The following NREP variants were observed in gnomAD, a reference collection of about 807,000 sequenced individuals.
The protein encoded by NREP is neuronal regeneration related protein.
In NREP, 5 loss-of-function variants were observed where a neutral mutation model predicts 8.6. The observed-to-expected ratio is 0.58, with a 90% CI of 0.30 to 1.22. The LOEUF (loss-of-function observed/expected upper bound fraction) is 1.22, where lower values mean the gene tolerates loss of function less well. Ranked by LOEUF, NREP falls within the 50% of genes most tolerant of loss-of-function variation. The pLI is 0.07. For synonymous variants in NREP, 27 were observed against 28.0 expected (o/e 0.96, Z 0.11); for missense variants, 86 against 82.5 (o/e 1.04, Z -0.17).
chr5:111,946,101 C>CACAT (rs920977830), intron 2 of NREP, among the ~76,000 whole-genome samples: 2 of 57,592 alleles, frequency 3.5e-5, no homozygotes, highest in Admixed American at 4.8e-4. Flanking sequence ...CACACACACA[C>CACAT]ATAAGAAAAT....
At chr5:111,833,052 A>G (rs1752811651) in intron 2 of NREP, among the ~76,000 whole-genome samples, 1 of 152,210 alleles carries the variant, frequency 6.6e-6, no homozygotes, top group Non-Finnish European at 1.5e-5. Flanking sequence ...GGACTGTACT[A>G]CTTGTGCAGA....
At chr5:111,762,767 G>A (rs996284489) in intron 2 of NREP, among the ~76,000 whole-genome samples, 9 of 152,114 alleles carry the variant, frequency 5.9e-5, no homozygotes, top group African/African-American at 1.2e-4. Flanking sequence ...TAAGCCCTCC[G>A]GTCTGTGGTA....
chr5:111,962,032 T>G (rs1057459746), intron 2 of NREP, among the ~76,000 whole-genome samples: 1 of 152,138 alleles, frequency 6.6e-6, no homozygotes, highest in African/African-American at 2.4e-5. Flanking sequence ...AAGTGTTGAG[T>G]GACAAATCCC....
At chr5:111,819,061 T>C (rs1333526689) in intron 2 of NREP, among the ~76,000 whole-genome samples, 1 of 152,220 alleles carries the variant, frequency 6.6e-6, no homozygotes, top group Non-Finnish European at 1.5e-5. Context: ...TCTTATTCTT[T>C]GATTCTCCAT....
intron 2 of NREP, among the ~76,000 whole-genome samples, chr5:111,772,393 T>G (rs1397114450): frequency 6.6e-6 from 1 of 152,198 alleles, no homozygotes; most frequent in South Asian, 2.1e-4. Flanking sequence ...TCACTAAATT[T>G]ATAGAAACAA....
At chr5:111,808,953 T>C (rs1403012574) in intron 2 of NREP, among the ~76,000 whole-genome samples, 1 of 152,232 alleles carries the variant, frequency 6.6e-6, no homozygotes, top group African/African-American at 2.4e-5. Flanking sequence ...ATTATAATTA[T>C]GTTATAATTA....
intron 2 of NREP, among the ~76,000 whole-genome samples, chr5:111,746,579 T>C (rs1750020525): frequency 6.6e-6 from 1 of 152,150 alleles, no homozygotes; most frequent in Admixed American, 6.5e-5. Flanking sequence ...ATAATCTCAA[T>C]TACCCAGTCA....
At chr5:111,972,665 G>A (rs1409882776) in intron 2 of NREP, among the ~76,000 whole-genome samples, 2 of 152,002 alleles carry the variant, frequency 1.3e-5, no homozygotes, top group East Asian at 1.9e-4. Context: ...CTGCCCCCAC[G>A]CCATACCCAC....
In NREP at chr5:111,732,542, C is replaced by T. The variant is rs190912523; in HGVS notation, c.82-1496G>A. The T allele has an allele frequency of 9.2e-5, 14 of 151,572 alleles. 1 individual carries two copies. In the East Asian group the frequency reaches 2.1e-3, roughly 23 times the overall value. The allele number at this position is 151,572 out of a possible 1,614,324, so 9.4% of individuals were successfully genotyped here. A position where few individuals can be genotyped will look rare whatever the true frequency, so the allele number is the denominator to read the frequency against. ...CAGAAAATTAAATAAAAATATAATT[C>T]ACCACTCACACACCCTTAAGGGTCT... On this transcript the variant is annotated intron_variant, in intron 3 of 3. Coordinates refer to ENST00000257435, the MANE Select transcript of NREP (RefSeq NM_004772.4).
chr5:111,952,310 A>C (rs1756184358), intron 2 of NREP, among the ~76,000 whole-genome samples: 1 of 152,128 alleles, frequency 6.6e-6, no homozygotes, highest in African/African-American at 2.4e-5. Flanking sequence ...TCAAAGAAAT[A>C]AGGATTCATC....
chr5:111,753,344 ATATATATATG>A (rs930216746), intron 2 of NREP, among the ~76,000 whole-genome samples: 3 of 147,378 alleles, frequency 2.0e-5, no homozygotes, highest in African/African-American at 7.4e-5. Context: ...ATATATATAT[ATATATATATG>A]TATATATATA....
chr5:111,783,563 A>G (rs900795896), intron 2 of NREP, among the ~76,000 whole-genome samples: 4 of 152,184 alleles, frequency 2.6e-5, no homozygotes, highest in African/African-American at 7.2e-5. Context: ...CATGATATCA[A>G]CTGTAGTTGT....
At chr5:111,938,607 C>T (rs367899626) in intron 2 of NREP, among the ~76,000 whole-genome samples, 4 of 152,044 alleles carry the variant, frequency 2.6e-5, no homozygotes, top group East Asian at 3.9e-4. Context: ...GTATGTGTGA[C>T]CTCTAGAACA....
At chr5:111,870,991 C>G (rs1043216999) in intron 2 of NREP, among the ~76,000 whole-genome samples, 13 of 151,572 alleles carry the variant, frequency 8.6e-5, no homozygotes, top group Non-Finnish European at 1.8e-4. Flanking sequence ...AGGTCTATAG[C>G]CTGAACCCTT....
At chr5:111,878,143 A>G (rs918494630) in intron 2 of NREP, among the ~76,000 whole-genome samples, 1 of 152,240 alleles carries the variant, frequency 6.6e-6, no homozygotes, top group Admixed American at 6.5e-5. Context: ...AGAACTGACC[A>G]TTAAACCCAA....
intron 2 of NREP, among the ~76,000 whole-genome samples, chr5:111,834,818 T>C (rs1182955806): frequency 6.6e-6 from 1 of 152,284 alleles, no homozygotes; most frequent in Non-Finnish European, 1.5e-5. Flanking sequence ...GTTCTTATTT[T>C]CAGTGAATAG....
chr5:111,944,370 C>A (rs1755917343), intron 2 of NREP, among the ~76,000 whole-genome samples: 1 of 152,030 alleles, frequency 6.6e-6, no homozygotes, highest in Non-Finnish European at 1.5e-5. Flanking sequence ...TGCAGTGGTA[C>A]AATCTTGGCT....
intron 2 of NREP, among the ~76,000 whole-genome samples, chr5:111,891,062 C>A (rs1754382973): frequency 6.6e-6 from 1 of 152,222 alleles, no homozygotes; most frequent in Non-Finnish European, 1.5e-5. Flanking sequence ...TCTGCTTCCC[C>A]TTTAAATATA....
At chr5:111,734,060 C>A (rs188210066) in intron 3 of NREP, 1 of 152,244 alleles carries the variant, frequency 6.6e-6, no homozygotes, top group East Asian at 1.9e-4. Flanking sequence ...CGGTGCCCAC[C>A]CCTGGGAGCA....
Sources: gnomAD v4.1 joint callset for allele counts (sites outside exome capture counted in the v4.1 genomes callset) on GRCh38, gnomAD v4.1.1 for gene constraint, MANE v1.5 for transcripts, NCBI Gene and HGNC (gene_info 2026-07-23, HGNC 2026-07-21) for gene names.